SUGP1: variants seen among roughly 807,000 people sequenced by gnomAD.
The protein encoded by SUGP1 is SURP and G-patch domain-containing protein 1.
In SUGP1, 34 loss-of-function variants were observed where a neutral mutation model predicts 76.5. That is an observed-to-expected ratio of 0.44 (90% CI 0.34 to 0.59). The LOEUF (loss-of-function observed/expected upper bound fraction) is 0.59, where lower values mean the gene tolerates loss of function less well. Ranked by LOEUF, SUGP1 falls within the 20% of genes least tolerant of loss-of-function variation. The probability of loss-of-function intolerance (pLI) is 0.01; values close to 1 mark genes in which losing one functional copy is unlikely to be tolerated. For missense variants in SUGP1, 752 were observed against 851.7 expected (o/e 0.88, Z 1.46); for synonymous variants, 326 against 326.2 (o/e 1.00, Z 0.01).
chr19:19,305,731 G>C (rs1340298273), intron 4 of SUGP1, 118 bp downstream of exon 4: 1 of 995,464 alleles, frequency 1.0e-6, no homozygotes, highest in Non-Finnish European at 1.5e-6. Flanking sequence ...GAGGTCTGGT[G>C]GCTGCAACTC....
At chr19:19,316,971 C>T (rs2146632517) in intron 1 of SUGP1, among the ~76,000 whole-genome samples, 1 of 152,084 alleles carries the variant, frequency 6.6e-6, no homozygotes, top group East Asian at 1.9e-4. Flanking sequence ...AACCCTGTCT[C>T]TACTAAAAAT....
Position 19,277,820 on chromosome 19 carries a change from G to A in SUGP1, c.1695C>T (p.Ile565=), listed in dbSNP as rs192830644. 13 of 1,613,992 alleles carry A rather than the reference G, an allele frequency of 8.1e-6. No individual in the cohort carries two copies. In the East Asian group the frequency reaches 1.1e-4, roughly 14 times the overall value. Reference sequence around the variant, plus strand: ...CCATCTTCATCAGCATCTGGTAGCCGATGTTCTCCACAGTCAGCTTGAACT... The same window carrying A: ...CCATCTTCATCAGCATCTGGTAGCCAATGTTCTCCACAGTCAGCTTGAACT... ...YKEFKLTVEN[I]GYQMLMKMGW... is the part of the protein sequence containing the mutation. The change falls in exon 12 of 14, where the codon ATC becomes ATT. Residue 565 remains isoleucine, a synonymous_variant. Coordinates refer to ENST00000247001, the MANE Select transcript of SUGP1 (RefSeq NM_172231.4).
chr19:19,300,010 T>C (rs1355664932), intron 7 of SUGP1, among the ~76,000 whole-genome samples: 1 of 151,706 alleles, frequency 6.6e-6, no homozygotes, highest in Non-Finnish European at 1.5e-5. Flanking sequence ...ACTCTCGACC[T>C]CAGGTGATCC....
In SUGP1 at chr19:19,276,981, A is replaced by G; in HGVS notation, c.1877T>C (p.Met626Thr). Reference protein sequence around the residue: ...DDEYEAFRKRMMLAYRFRPNP... With the variant: ...DDEYEAFRKRTMLAYRFRPNP... ...GGGCCGGAAGCGGTAGGCCAGCATC[A>G]TCCTCTTGCGGAACGCCTCATACTC... The change falls in exon 13 of 14, where the codon ATG (methionine) becomes ACG (threonine). Residue 626 changes from methionine to threonine, a missense_variant. Physicochemically the swap from Met to Thr is moderately conservative, Grantham distance 81. Transcript: ENST00000247001. The G allele has an allele frequency of 6.2e-7, 1 of 1,613,178 alleles. No homozygotes were observed. The highest frequency in any genetic ancestry group is 8.5e-7 in the Non-Finnish European group (1 of 1,180,024).
intron 1 of SUGP1, among the ~76,000 whole-genome samples, 160 bp from the exon 2 acceptor site, chr19:19,316,753 C>T (rs868452907): frequency 6.6e-6 from 1 of 152,052 alleles, no homozygotes; most frequent in Non-Finnish European, 1.5e-5. Flanking sequence ...CATACCATAC[C>T]CTGTACTTAC....
At chr19:19,278,932 C>A in intron 10 of SUGP1, 136 bp from the exon 11 acceptor site, 2 of 900,302 alleles carry the variant, frequency 2.2e-6, no homozygotes, top group Non-Finnish European at 3.4e-6. Flanking sequence ...AGGCCATGAC[C>A]CCAGCCCGAG....
intron 1 of SUGP1, among the ~76,000 whole-genome samples, chr19:19,318,058 A>G (rs774744678): frequency 1.4e-5 from 2 of 147,488 alleles, no homozygotes; most frequent in Non-Finnish European, 3.0e-5. Flanking sequence ...GGAACCTCCA[A>G]TTTACGCCTC....
intron 8 of SUGP1, among the ~76,000 whole-genome samples, chr19:19,295,535 C>CAG (rs1027065841): frequency 3.6e-5 from 5 of 139,516 alleles, no homozygotes; most frequent in Non-Finnish European, 7.5e-5. Context: ...ACCTCGGAGG[C>CAG]AGAGGTTGCA....
chr19:19,319,706 C>CAAAAAAAAAAA (rs570232030), intron 1 of SUGP1, among the ~76,000 whole-genome samples: 8 of 69,298 alleles, frequency 1.2e-4, no homozygotes, highest in East Asian at 5.0e-4. Flanking sequence ...GACCCTGTCT[C>CAAAAAAAAAAA]AAAAAAAAAA....
At chr19:19,319,706 C>CAAAAAAAAAAAAAAA (rs570232030) in intron 1 of SUGP1, among the ~76,000 whole-genome samples, 4 of 69,308 alleles carry the variant, frequency 5.8e-5, no homozygotes, top group Admixed American at 1.8e-4. Flanking sequence ...GACCCTGTCT[C>CAAAAAAAAAAAAAAA]AAAAAAAAAA....
rs779302963 is a variant in SUGP1 at position 19,310,118 on chromosome 19, G to C, written c.289C>G (p.Gln97Glu). 4 of 1,613,500 alleles carry C rather than the reference G, an allele frequency of 2.5e-6. No individual in the cohort carries two copies. Among genetic ancestry groups the C allele is most frequent in the Non-Finnish European group, 3.4e-6 (4 of 1,179,562 alleles). ...TCACCTGTGCTGGTCTGTGCCTTCT[G>C]CAACTTCAGAAACTGCTGCAAGAAG... ...GSFLQQFLKL[Q>E]KAQTSTDAPT... is the part of the protein sequence containing the mutation. The change falls in exon 3 of 14, where the codon CAG becomes GAG. Residue 97 changes from glutamine (Q) to glutamate (E), a missense_variant. Coordinates refer to ENST00000247001, the MANE Select transcript of SUGP1 (RefSeq NM_172231.4).
intron 7 of SUGP1, chr19:19,302,048 G>A (rs996544812): frequency 3.0e-5 from 19 of 625,070 alleles, no homozygotes; most frequent in African/African-American, 7.3e-5. Context: ...CAAAGGCCCC[G>A]TGCACCTGCC....
Position 19,301,921 on chromosome 19 carries a change from T to C in SUGP1, c.887+344A>G, listed in dbSNP as rs568719322. ...ACACAACATAAACTGAACAGTACTGTGAATTTCCACTTGAGAGCCTGACTT... is the reference window on the plus strand; with the variant it reads ...ACACAACATAAACTGAACAGTACTGCGAATTTCCACTTGAGAGCCTGACTT... On this transcript the variant is annotated intron_variant, in intron 7 of 13. Coordinates refer to ENST00000247001, the MANE Select transcript of SUGP1 (RefSeq NM_172231.4). The C allele has an allele frequency of 7.8e-5, 24 of 306,514 alleles. No individual in the cohort carries two copies. In the East Asian group the frequency reaches 1.4e-3, roughly 18 times the overall value. 19.0% of individuals were successfully genotyped at this position (306,514 alleles called of 1,614,324 possible). A position where few individuals can be genotyped will look rare whatever the true frequency, so the allele number is the denominator to read the frequency against.
intron 8 of SUGP1, among the ~76,000 whole-genome samples, chr19:19,292,165 C>T (rs1305073656): frequency 4.7e-5 from 7 of 148,010 alleles, no homozygotes; most frequent in African/African-American, 7.5e-5. Flanking sequence ...CCCAGCTACT[C>T]GGGAGGCTGA....
Position 19,320,456 on chromosome 19 carries a change from CTGTT to C in SUGP1, c.34+3_34+6del. The C allele has an allele frequency of 6.2e-7, 1 of 1,610,464 alleles. No individual in the cohort carries two copies. Among genetic ancestry groups the C allele is most frequent in the East Asian group, 2.2e-5 (1 of 44,702 alleles). ...GCGGCCGCCTGAGAGGAGGCGGGGG[CTGTT>C]ACCTGCAACATCCCGGTTGTCCATC... On this transcript the variant is annotated splice_donor_5th_base_variant and intron_variant, in intron 1 of 13. Coordinates refer to ENST00000247001, the MANE Select transcript of SUGP1 (RefSeq NM_172231.4).
At chr19:19,314,144 AAAATAAATAAAT>A (rs57753588) in intron 2 of SUGP1, among the ~76,000 whole-genome samples, 20 of 147,178 alleles carry the variant, frequency 1.4e-4, no homozygotes, top group South Asian at 1.3e-3. Context: ...CTCAAAAAAT[AAAATAAATAAAT>A]AAATAAATAA....
At chr19:19,291,996 C>T (rs749402409) in intron 8 of SUGP1, among the ~76,000 whole-genome samples, 26 of 151,396 alleles carry the variant, frequency 1.7e-4, no homozygotes, top group African/African-American at 2.4e-4. Context: ...AAATAAGCCG[C>T]GTGCAGTGAT....
At position 19,278,803 on chromosome 19, in the gene SUGP1, A is replaced by G; in HGVS notation, c.1529-7T>C. 1 of 1,611,256 alleles carries G rather than the reference A, an allele frequency of 6.2e-7. No individual in the cohort carries two copies. The highest frequency in any genetic ancestry group is 8.5e-7 in the Non-Finnish European group (1 of 1,178,746). On this transcript the variant is annotated splice_polypyrimidine_tract_variant and splice_region_variant and intron_variant, in intron 10 of 13. Transcript: ENST00000247001. ...GTCAGCTGCTCGGCCCATTCTGCTC[A>G]GAGAAGCAGAAAGGTGAGAAGAGGG...
At chr19:19,288,256 C>T (rs892761694) in intron 8 of SUGP1, among the ~76,000 whole-genome samples, 1 of 152,076 alleles carries the variant, frequency 6.6e-6, no homozygotes, top group Admixed American at 6.6e-5. Flanking sequence ...GCCTCAAATT[C>T]CTGGACTCGT....
Sources: gnomAD v4.1 joint callset for allele counts (sites outside exome capture counted in the v4.1 genomes callset) on GRCh38, gnomAD v4.1.1 for gene constraint, MANE v1.5 for transcripts, NCBI Gene and HGNC (gene_info 2026-07-23, HGNC 2026-07-21) for gene names.